Variants in NOP14 observed in about 807,000 individuals in gnomAD.
NOP14 encodes the protein NOP14 nucleolar protein.
In NOP14, 57 loss-of-function variants were observed where a neutral mutation model predicts 101.6. The observed-to-expected ratio is 0.56, with a 90% CI of 0.45 to 0.70. The LOEUF is 0.70. NOP14 is among the 30% of genes least tolerant of loss of function. NOP14 has a pLI of 0.00. For missense variants in NOP14, 1,134 were observed against 1,075.5 expected, an observed-to-expected ratio of 1.05 and a Z score of -0.76; for synonymous variants, 428 against 424.0, an observed-to-expected ratio of 1.01 and a Z score of -0.12.
intron 7 of NOP14, chr4:2,950,506 G>A (rs933789354): frequency 2.2e-6 from 1 of 454,780 alleles, no homozygotes; most frequent in Admixed American, 3.6e-5. Context: ...GGTGTACAGT[G>A]GCTGCGGGCT....
At chr4:2,959,476 C>A (rs997375376) in intron 1 of NOP14, among the ~76,000 whole-genome samples, 24 of 151,984 alleles carry the variant, frequency 1.6e-4, no homozygotes, top group Non-Finnish European at 2.6e-4. Flanking sequence ...GCCTGTAGTC[C>A]CAGCTACTCA....
chr4:2,939,984 C>G (rs1240182541), intron 15 of NOP14, among the ~76,000 whole-genome samples: 1 of 152,190 alleles, frequency 6.6e-6, no homozygotes, highest in African/African-American at 2.4e-5. Context: ...TCAACAGAAC[C>G]CCTCTTTCCC....
chr4:2,960,637 ATAT>A (rs1715669386), intron 1 of NOP14, among the ~76,000 whole-genome samples: 1 of 147,772 alleles, frequency 6.8e-6, no homozygotes, highest in African/African-American at 2.5e-5. Flanking sequence ...ACCAGTAACT[ATAT>A]TATTAATATA....
intron 11 of NOP14, among the ~76,000 whole-genome samples, chr4:2,946,130 G>A (rs1714614105): frequency 7.4e-6 from 1 of 135,140 alleles, no homozygotes; most frequent in East Asian, 2.2e-4. Context: ...CACCCTCGCT[G>A]CCGTGCACTC....
At chr4:2,945,621 G>A (rs908173049) in intron 11 of NOP14, among the ~76,000 whole-genome samples, 1 of 152,226 alleles carries the variant, frequency 6.6e-6, no homozygotes, top group East Asian at 1.9e-4. Flanking sequence ...TTTCCTTAAA[G>A]TTACTAAAGC....
At chr4:2,950,262 G>A (rs762405912) in intron 7 of NOP14, 49 bp from the exon 8 acceptor site, 5 of 1,589,302 alleles carry the variant, frequency 3.1e-6, no homozygotes, top group Admixed American at 1.7e-5. Context: ...CGGAGACAAC[G>A]CTGGACCATC....
rs759239776 is a variant in NOP14, at chr4:2,953,604, C to T, written c.654G>A (p.Thr218=). 16 of 1,614,024 alleles carry T rather than the reference C, an allele frequency of 9.9e-6. No individual in the cohort carries two copies. The highest frequency in any genetic ancestry group is 2.7e-5 in the African/African-American group (2 of 74,898). Residue 218 remains threonine (T), a synonymous_variant, in exon 5 of 18, where the codon ACG becomes ACA. Coordinates refer to ENST00000416614, the MANE Select transcript of NOP14 (RefSeq NM_001291978.2). The part of the protein sequence containing the change: ...QAQREDALEL[T]EKLDQDWKEI... ...CTTTCCAGTCTTGGTCTAGCTTCTCCGTGAGCTCGAGGGCATCTTCTCGTT... is the reference window on the plus strand; with the variant it reads ...CTTTCCAGTCTTGGTCTAGCTTCTCTGTGAGCTCGAGGGCATCTTCTCGTT...
At chr4:2,959,986 T>TA (rs1227388787) in intron 1 of NOP14, among the ~76,000 whole-genome samples, 221 of 150,842 alleles carry the variant, frequency 1.5e-3, no homozygotes, top group African/African-American at 5.0e-3. Context: ...TTTTTTTTTT[T>TA]AAAGATGGAA....
At chr4:2,961,270 G>GTATATTTATAGTAAC (rs1715874617) in intron 1 of NOP14, 1 of 102,868 alleles carries the variant, frequency 9.7e-6, no homozygotes, top group Non-Finnish European at 2.2e-5. Flanking sequence ...AATATAGTTA[G>GTATATTTATAGTAAC]TATATTAATA....
At chr4:2,953,720 C>G in intron 4 of NOP14, 75 bp from the exon 5 acceptor site, 2 of 1,548,994 alleles carry the variant, frequency 1.3e-6, no homozygotes, top group Admixed American at 1.7e-5. Context: ...ATGTCAGTGC[C>G]AAGGACACAC....
At chr4:2,962,956 C>G (rs2109326003) in intron 1 of NOP14, among the ~76,000 whole-genome samples, 169 bp downstream of exon 1, 1 of 152,198 alleles carries the variant, frequency 6.6e-6, no homozygotes, top group Non-Finnish European at 1.5e-5. Flanking sequence ...CCAGGTCACT[C>G]CAGCTCAGAG....
chr4:2,954,073 C>T (rs1053707273), intron 4 of NOP14, among the ~76,000 whole-genome samples: 10 of 152,108 alleles, frequency 6.6e-5, no homozygotes, highest in East Asian at 1.9e-4. Context: ...AGCATGGTGG[C>T]GCCCACTAGC....
Position 2,939,587 on chromosome 4 carries a change from A to G in NOP14, c.2258T>C (p.Leu753Pro), listed in dbSNP as rs748797505. The G allele has an allele frequency of 1.3e-5, 21 of 1,613,830 alleles. No individual in the cohort carries two copies. The East Asian group carries it at 4.5e-4, about 34-fold the overall frequency. Residue 753 changes from leucine to proline, a missense_variant, in exon 16 of 18, where the codon CTG becomes CCG. Leu to Pro is a moderately conservative substitution (Grantham distance 98). Transcript: ENST00000416614. ...GACAGGCTTGCTCTTCTCACAGGTC[A>G]GCGGCCGGCAGAGCTGCTTCTGGCT... ...MESQKQLCRP[L>P]TCEKSKPVPL...
At chr4:2,961,751 T>A (rs1317552831) in intron 1 of NOP14, 1 of 152,274 alleles carries the variant, frequency 6.6e-6, no homozygotes, top group Non-Finnish European at 1.5e-5. Context: ...TCCTAACTAT[T>A]ACACTTTTTC....
intron 1 of NOP14, 81 bp from the exon 2 acceptor site, chr4:2,957,821 A>G: frequency 6.9e-7 from 1 of 1,452,124 alleles, no homozygotes; most frequent in South Asian, 1.3e-5. Context: ...TGCATACTTT[A>G]AAGTTCAGGG....
intron 3 of NOP14, among the ~76,000 whole-genome samples, chr4:2,955,899 C>T (rs1577847278): frequency 6.6e-6 from 1 of 152,234 alleles, no homozygotes; most frequent in East Asian, 1.9e-4. Flanking sequence ...AGCCAAATAT[C>T]AGAAGGCAGC....
intron 17 of NOP14, 90 bp downstream of exon 17, chr4:2,939,098 G>A (rs999110824): frequency 1.9e-6 from 3 of 1,569,776 alleles, no homozygotes; most frequent in Non-Finnish European, 2.6e-6. Context: ...AAGGCTGTGG[G>A]ATGCCAGGTG....
At position 2,941,748 on chromosome 4, in the gene NOP14, AGAG is replaced by A. The variant is rs774745142; in HGVS notation, c.2052-22_2052-20del. 4.4e-5 allele frequency: 71 copies of A among 1,608,752 alleles called. No individual in the cohort carries two copies. Among genetic ancestry groups the A allele is most frequent in the Middle Eastern group, 1.7e-4 (1 of 6,052 alleles). The stretch of plus-strand genomic sequence containing the variant: ...GGACAGTCTGTGAGGGCAGGAGGCA[AGAG>A]GAGGTCCAACTTGTTCTGTTTGTCA... On this transcript the variant is annotated intron_variant, in intron 14 of 17. Transcript: ENST00000416614.
intron 9 of NOP14, 196 bp from the exon 10 acceptor site, chr4:2,947,807 G>A (rs763095012): frequency 6.6e-6 from 4 of 605,342 alleles, no homozygotes; most frequent in South Asian, 4.0e-5. Flanking sequence ...GAAGGTGTAG[G>A]GGGGAGAAAG....
Sources: allele counts gnomAD v4.1 joint callset (sites outside exome capture counted in the v4.1 genomes callset), GRCh38; gene constraint gnomAD v4.1.1; transcripts MANE v1.5; gene names NCBI Gene and HGNC (gene_info 2026-07-23, HGNC 2026-07-21).